Variants in MYRIP observed in about 807,000 individuals in gnomAD.
The protein encoded by MYRIP is myosin VIIA and Rab interacting protein, also known as rab effector MyRIP.
In MYRIP, 49 loss-of-function variants were observed where a neutral mutation model predicts 98.0. The observed-to-expected ratio is 0.50, with a 90% confidence interval of 0.40 to 0.63. The LOEUF (loss-of-function observed/expected upper bound fraction) is 0.63. MYRIP is among the 30% of genes least tolerant of loss of function. The probability of loss-of-function intolerance (pLI) is 0.00; values close to 1 mark genes in which losing one functional copy is unlikely to be tolerated. For missense variants in MYRIP, 1,004 were observed against 1,058.2 expected, an observed-to-expected ratio of 0.95 and a Z score of 0.71; for synonymous variants, 404 against 409.5, an observed-to-expected ratio of 0.99 and a Z score of 0.16.
At chr3:39,849,605 G>A (rs1198353373) in intron 1 of MYRIP, among the ~76,000 whole-genome samples, 3 of 152,166 alleles carry the variant, frequency 2.0e-5, no homozygotes, top group African/African-American at 7.2e-5. Context: ...GAACTTGTAA[G>A]TTGTCTCTTA....
rs200836777 is a variant in MYRIP at position 40,212,255 on chromosome 3, T to C, written c.1905+2162T>C. Among the ~76,000 whole-genome samples the C allele has an allele frequency of 5.8e-3, 216 of 37,164 alleles. 17 individuals are homozygous for C. The highest frequency in any genetic ancestry group is 0.012 in the African/African-American group (200 of 16,474). 24.4% of individuals were successfully genotyped at this position (37,164 alleles called of 152,430 possible). The stretch of plus-strand genomic sequence containing the variant: ...ACACACACACACACACATATATATA[T>C]ATACACGTATATATATAGAGAGAGA... On this transcript the variant is annotated intron_variant, in intron 11 of 16. Transcript: ENST00000302541.
At chr3:39,813,131 G>A (rs567247010) in intron 1 of MYRIP, among the ~76,000 whole-genome samples, 47 of 152,334 alleles carry the variant, frequency 3.1e-4, no homozygotes, top group African/African-American at 1.1e-3. Context: ...GAAGGAATGA[G>A]TTCTCATTCC....
chr3:40,129,919 C>G (rs997455648), intron 3 of MYRIP, among the ~76,000 whole-genome samples: 1 of 152,206 alleles, frequency 6.6e-6, no homozygotes, highest in Non-Finnish European at 1.5e-5. Context: ...TGAGAATACA[C>G]ATGTTTACAA....
intron 3 of MYRIP, among the ~76,000 whole-genome samples, chr3:40,065,378 A>G (rs1320002770): frequency 6.6e-6 from 1 of 152,088 alleles, no homozygotes; most frequent in African/African-American, 2.4e-5. Flanking sequence ...CTAGCTACTC[A>G]GTGTTAGGAC....
At chr3:40,099,990 C>T in intron 3 of MYRIP, 1 of 985,140 alleles carries the variant, frequency 1.0e-6, no homozygotes, top group Non-Finnish European at 1.2e-6. Context: ...TCTCCGTCAC[C>T]TCCCTTCTGA....
chr3:39,814,680 C>T (rs1461774847), intron 1 of MYRIP, among the ~76,000 whole-genome samples: 3 of 152,166 alleles, frequency 2.0e-5, no homozygotes, highest in Admixed American at 6.5e-5. Flanking sequence ...AATACCATTT[C>T]ATTTAATTAT....
At chr3:40,027,960 G>C (rs1947173227) in intron 2 of MYRIP, among the ~76,000 whole-genome samples, 1 of 152,086 alleles carries the variant, frequency 6.6e-6, no homozygotes. Flanking sequence ...ACCCTAGGGG[G>C]TCAGGGCAGG....
At chr3:40,222,567 C>G (rs551824622) in intron 11 of MYRIP, among the ~76,000 whole-genome samples, 4 of 151,800 alleles carry the variant, frequency 2.6e-5, no homozygotes, top group Non-Finnish European at 4.4e-5. Flanking sequence ...TCCCCCTACC[C>G]CCCACCCCCT....
intron 13 of MYRIP, chr3:40,248,526 C>T (rs1953273306): frequency 6.6e-6 from 1 of 152,228 alleles, no homozygotes; most frequent in Non-Finnish European, 1.5e-5. Flanking sequence ...AATCAGCCCT[C>T]AGTAGCCTCC....
rs202157765 is a variant in MYRIP, at chr3:40,189,807, C to G, written c.1028-19C>G. ...TGATAACAGCCCCTCTCTGCTTTCT[C>G]TATCCTCTCCATCCACAGACCTGGC... On this transcript the variant is annotated intron_variant, in intron 9 of 16. Transcript: ENST00000302541. 6.3e-7 allele frequency: 1 copy of G among 1,588,656 alleles called. No individual in the cohort carries two copies. The highest frequency in any genetic ancestry group is 1.8e-5 in the Admixed American group (1 of 56,854).
chr3:40,167,748 G>A lies in MYRIP; in HGVS notation c.729+509G>A, dbSNP rs28740797. ...TGCAAATTTGGGAGTTTCCATGACC[G>A]TGGACCCTCAATTCAATTATTTGCT... On this transcript the variant is annotated intron_variant, in intron 7 of 16. Coordinates refer to ENST00000302541, the MANE Select transcript of MYRIP (RefSeq NM_015460.4). Among the ~76,000 whole-genome samples the A allele has an allele frequency of 4.6e-5, 7 of 152,140 alleles. No individual in the cohort carries two copies. In the South Asian group the frequency reaches 6.2e-4, roughly 14 times the overall value.
chr3:39,843,651 GT>G (rs1461681089), intron 1 of MYRIP, among the ~76,000 whole-genome samples: 1 of 152,190 alleles, frequency 6.6e-6, no homozygotes, highest in Non-Finnish European at 1.5e-5. Context: ...GAAACTGGCA[GT>G]TAAGTATTCT....
At chr3:40,112,770 G>A (rs1949186529) in intron 3 of MYRIP, among the ~76,000 whole-genome samples, 1 of 152,184 alleles carries the variant, frequency 6.6e-6, no homozygotes, top group Non-Finnish European at 1.5e-5. Flanking sequence ...CTGTCAGAAA[G>A]TTCTGTGTGG....
Position 39,864,800 on chromosome 3 carries a change from T to C in MYRIP, c.-30-35987T>C, listed in dbSNP as rs562863637. Among the ~76,000 whole-genome samples, 7 of 152,240 alleles carry C rather than the reference T, an allele frequency of 4.6e-5. No homozygotes were observed. In the South Asian group the frequency reaches 1.4e-3, roughly 32 times the overall value. ...TCTTCACAGAATTAGAAAAAGCTAT[T>C]TTAAAATTCATATGGAACAAACGAA... On this transcript the variant is annotated intron_variant, in intron 1 of 16. Transcript: ENST00000302541.
intron 1 of MYRIP, among the ~76,000 whole-genome samples, chr3:39,894,415 ATATACC>A (rs1559513044): frequency 6.6e-6 from 1 of 152,188 alleles, no homozygotes. Context: ...GCTCAATACA[ATATACC>A]TATACCGTTA....
chr3:40,212,304 T>TGTTGGAGG (rs1951984746), intron 11 of MYRIP, among the ~76,000 whole-genome samples: 1 of 144,632 alleles, frequency 6.9e-6, no homozygotes, highest in South Asian at 2.2e-4. Context: ...TATATATATA[T>TGTTGGAGG]GTTGGAGGGT....
chr3:40,189,343 T>C (rs1951132192), intron 9 of MYRIP, among the ~76,000 whole-genome samples: 1 of 152,156 alleles, frequency 6.6e-6, no homozygotes, highest in Non-Finnish European at 1.5e-5. Context: ...GTAGGATCTA[T>C]AAAAGAGCCA....
At chr3:39,971,711 A>T (rs1331497789) in intron 2 of MYRIP, among the ~76,000 whole-genome samples, 1 of 152,070 alleles carries the variant, frequency 6.6e-6, no homozygotes. Context: ...CCTTGGTCAC[A>T]TAATTAAATT....
chr3:40,183,742 C>T (rs1950952849), intron 9 of MYRIP, among the ~76,000 whole-genome samples: 1 of 152,166 alleles, frequency 6.6e-6, no homozygotes, highest in Admixed American at 6.6e-5. Context: ...TATTCTCATC[C>T]CATGTCGTAT....
Sources: allele counts gnomAD v4.1 joint callset (sites outside exome capture counted in the v4.1 genomes callset), GRCh38; gene constraint gnomAD v4.1.1; transcripts MANE v1.5; gene names NCBI Gene and HGNC (gene_info 2026-07-23, HGNC 2026-07-21).